Variants in FARP1 observed in about 807,000 individuals in gnomAD.
FARP1 encodes the protein FERM, ARHGEF and pleckstrin domain-containing protein 1.
FARP1 carries 52 observed loss-of-function variants against 128.8 expected under a neutral mutation model. The ratio of observed to expected loss-of-function variants is 0.40; its 90% confidence interval spans 0.32 to 0.51. The LOEUF is 0.51. Among genes scored for constraint, FARP1 ranks in the 20% least tolerant of loss-of-function variants. The pLI, the probability that FARP1 is intolerant of heterozygous loss-of-function variation, is 0.45. For synonymous variants in FARP1, 580 were observed against 551.8 expected (o/e 1.05, Z -0.72); for missense variants, 1,333 against 1,367.9 (o/e 0.97, Z 0.40).
At chr13:98,209,966 A>C (rs1880574904) in intron 1 of FARP1, among the ~76,000 whole-genome samples, 1 of 151,226 alleles carries the variant, frequency 6.6e-6, no homozygotes, top group Admixed American at 6.6e-5. Context: ...TAGGTAACAG[A>C]GTTTGAGATT....
In FARP1 at chr13:98,275,930, AT is replaced by A. The variant is rs1464073274; in HGVS notation, c.171+62519del. The stretch of plus-strand genomic sequence containing the variant: ...AAGTGTTTTCATTAAGACTGGAAAA[AT>A]TATGATCTGTGTGTGAAACTGACAA... On this transcript the variant is annotated intron_variant, in intron 2 of 26. Transcript: ENST00000319562. Among the ~76,000 whole-genome samples, 6 of 152,340 alleles carry A rather than the reference AT, an allele frequency of 3.9e-5. No homozygotes were observed. In the East Asian group the frequency reaches 1.2e-3, roughly 29 times the overall value.
At chr13:98,215,637 TTCTG>T (rs1881015565) in intron 2 of FARP1, among the ~76,000 whole-genome samples, 1 of 152,202 alleles carries the variant, frequency 6.6e-6, no homozygotes, top group African/African-American at 2.4e-5. Context: ...TGCCTGCCTG[TTCTG>T]TCTATATCCC....
At chr13:98,381,582 AGCTACTAGTTG>A (rs1161440797) in intron 6 of FARP1, 2 of 152,236 alleles carry the variant, frequency 1.3e-5, no homozygotes, top group Non-Finnish European at 2.9e-5. Context: ...GAGAAGAATC[AGCTACTAGTTG>A]GCCCTGATGT....
chr13:98,430,521 G>A (rs1412641042), intron 17 of FARP1, among the ~76,000 whole-genome samples: 3 of 152,188 alleles, frequency 2.0e-5, no homozygotes, highest in Admixed American at 1.3e-4. Context: ...GAGAGTCAGG[G>A]CGCTGTCTGA....
chr13:98,237,717 G>A (rs1199059905), intron 2 of FARP1, among the ~76,000 whole-genome samples: 2 of 152,186 alleles, frequency 1.3e-5, no homozygotes, highest in Admixed American at 1.3e-4. Context: ...GCAGAGAAAA[G>A]TCATGTCATT....
chr13:98,166,826 G>A (rs1461355122), intron 1 of FARP1, among the ~76,000 whole-genome samples: 1 of 151,720 alleles, frequency 6.6e-6, no homozygotes, highest in Non-Finnish European at 1.5e-5. Flanking sequence ...TGGGCTCAAG[G>A]GATCGTCCTA....
rs1890209078 is a variant in FARP1 at position 98,389,135 on chromosome 13, T to C, written c.855+657T>C. Among the ~76,000 whole-genome samples, 5 of 152,238 alleles carry C rather than the reference T, an allele frequency of 3.3e-5. No individual in the cohort carries two copies. The South Asian group carries it at 1.0e-3, about 31-fold the overall frequency. Reference sequence around the variant, plus strand: ...ATGGCAATTAGGCTTATAGTGTAGCTACAGTCTGGGTTCAGTAGGTTTTCA... The same window carrying C: ...ATGGCAATTAGGCTTATAGTGTAGCCACAGTCTGGGTTCAGTAGGTTTTCA... On this transcript the variant is annotated intron_variant, in intron 9 of 26. Transcript: ENST00000319562.
intron 19 of FARP1, among the ~76,000 whole-genome samples, chr13:98,436,972 T>C (rs1270426602): frequency 6.6e-6 from 1 of 152,172 alleles, no homozygotes; most frequent in Non-Finnish European, 1.5e-5. Flanking sequence ...TTGGAGGAGG[T>C]GGCCCTGGGT....
intron 3 of FARP1, among the ~76,000 whole-genome samples, chr13:98,344,787 GA>G (rs1239575994): frequency 2.6e-5 from 4 of 152,140 alleles, no homozygotes; most frequent in Admixed American, 6.5e-5. Flanking sequence ...CTAAAAATGA[GA>G]ACAAGTTGTG....
chr13:98,443,420 A>G (rs7992042), intron 24 of FARP1, among the ~76,000 whole-genome samples: 107,955 of 151,718 alleles, frequency 0.71, 39,354 homozygotes, highest in Non-Finnish European at 0.8. Flanking sequence ...GGCAGCCCTC[A>G]TGTGCCAGAC....
intron 1 of FARP1, among the ~76,000 whole-genome samples, chr13:98,144,578 C>G (rs1403564611): frequency 1.3e-5 from 2 of 152,214 alleles, no homozygotes; most frequent in African/African-American, 4.8e-5. Context: ...GGGGGCCCCT[C>G]TCCTTCCAGT....
In FARP1 at chr13:98,171,892, C is replaced by T. The variant is rs544522719; in HGVS notation, c.-24+28400C>T. On this transcript the variant is annotated intron_variant, in intron 1 of 26. Coordinates refer to ENST00000319562, the MANE Select transcript of FARP1 (RefSeq NM_005766.4). ...CCCTGAACGTATCTGCACACGCGCT[C>T]GGTCACATTTCTCTATCTCATTTTC... Among the ~76,000 whole-genome samples, 7 of 152,242 alleles carry T rather than the reference C, an allele frequency of 4.6e-5. No homozygotes were observed. In the South Asian group the frequency reaches 6.2e-4, roughly 14 times the overall value.
rs184347663 is a variant in FARP1, at chr13:98,247,881, C to T, written c.171+34468C>T. 5.5e-4 allele frequency among the ~76,000 whole-genome samples: 84 copies of T among 152,282 alleles called. 1 individual carries two copies. Among genetic ancestry groups the T allele is most frequent in the Middle Eastern group, 3.4e-3 (1 of 294 alleles). ...CACGGATGTGGTCATCAGCTTCCAG[C>T]GATCCTTGTGAAGAGCTGTGTATTG... On this transcript the variant is annotated intron_variant, in intron 2 of 26. Transcript: ENST00000319562.
At chr13:98,411,657 A>G (rs527651184) in intron 15 of FARP1, among the ~76,000 whole-genome samples, 6 of 152,214 alleles carry the variant, frequency 3.9e-5, no homozygotes, top group Non-Finnish European at 7.3e-5. Context: ...TCCTGGCTTT[A>G]ACAGTCAATG....
At chr13:98,306,814 G>A (rs555859035) in intron 2 of FARP1, among the ~76,000 whole-genome samples, 57 of 152,268 alleles carry the variant, frequency 3.7e-4, no homozygotes, top group African/African-American at 6.5e-4. Context: ...GTGAGCCACC[G>A]TGCCCGGCCT....
At chr13:98,163,858 G>A (rs370665489) in intron 1 of FARP1, among the ~76,000 whole-genome samples, 20 of 151,904 alleles carry the variant, frequency 1.3e-4, no homozygotes, top group South Asian at 6.2e-4. Flanking sequence ...ACAGGCACCC[G>A]CCACCACGCC....
intron 2 of FARP1, among the ~76,000 whole-genome samples, chr13:98,334,544 T>G (rs1887658940): frequency 6.6e-6 from 1 of 152,192 alleles, no homozygotes; most frequent in Admixed American, 6.5e-5. Flanking sequence ...CTCACATTAG[T>G]CTTAAAAGGG....
In FARP1 at chr13:98,192,251, G is replaced by A. The variant is rs527420367; in HGVS notation, c.-23-20969G>A. Reference sequence around the variant, plus strand: ...AGCCTTTTTATTGCTTGTGTTTATAGCCTTTTTATTCCTTGGGATGATTTC... The same window carrying A: ...AGCCTTTTTATTGCTTGTGTTTATAACCTTTTTATTCCTTGGGATGATTTC... On this transcript the variant is annotated intron_variant, in intron 1 of 26. Transcript: ENST00000319562. Among the ~76,000 whole-genome samples, 301 of 152,168 alleles carry A rather than the reference G, an allele frequency of 2.0e-3. 1 individual carries two copies. Among genetic ancestry groups the A allele is most frequent in the African/African-American group, 6.8e-3 (282 of 41,514 alleles).
intron 17 of FARP1, among the ~76,000 whole-genome samples, chr13:98,430,381 G>A (rs1203768124): frequency 1.3e-5 from 2 of 152,214 alleles, no homozygotes; most frequent in African/African-American, 2.4e-5. Context: ...CCTGTCCTCT[G>A]CTCTCCCCCT....
Sources: allele counts gnomAD v4.1 joint callset (sites outside exome capture counted in the v4.1 genomes callset), GRCh38; gene constraint gnomAD v4.1.1; transcripts MANE v1.5; gene names NCBI Gene and HGNC (gene_info 2026-07-23, HGNC 2026-07-21).